ATP9B: variants seen among roughly 807,000 people sequenced by gnomAD.
The protein encoded by ATP9B is probable phospholipid-transporting ATPase IIB.
Under a neutral mutation model 146.1 loss-of-function variants are expected in ATP9B, and 110 were observed. The ratio of observed to expected loss-of-function variants is 0.75; its 90% CI spans 0.65 to 0.88. ATP9B has a LOEUF of 0.88. Ranked by LOEUF, ATP9B falls within the 40% of genes least tolerant of loss-of-function variation. The pLI is 0.00. For synonymous variants in ATP9B, 604 were observed against 569.7 expected (o/e 1.06, Z -0.86); for missense variants, 1,499 against 1,496.4 (o/e 1.00, Z -0.03).
Position 79,193,253 on chromosome 18 carries a change from C to A in ATP9B, c.944C>A (p.Thr315Lys), listed in dbSNP as rs1481818290. Reference protein sequence around the residue: ...PQMDIHSFEGTFTREDSDPPI... With the variant: ...PQMDIHSFEGKFTREDSDPPI... ...ATGGACATTCACAGTTTCGAAGGCA[C>A]ATTTACCAGGGTAAGTTAAACCTGT... is the stretch of plus-strand genomic sequence containing the variant. The change falls in exon 9 of 30, where the codon ACA becomes AAA. Residue 315 changes from threonine to lysine, a missense_variant. Coordinates refer to ENST00000426216, the MANE Select transcript of ATP9B (RefSeq NM_198531.5). 6.2e-7 allele frequency: 1 copy of A among 1,606,818 alleles called. No individual in the cohort carries two copies. The highest frequency in any genetic ancestry group is 2.2e-5 in the East Asian group (1 of 44,780).
chr18:79,155,039 GTTAC>G (rs1157613276), intron 7 of ATP9B, among the ~76,000 whole-genome samples: 1 of 152,180 alleles, frequency 6.6e-6, no homozygotes, highest in Non-Finnish European at 1.5e-5. Context: ...AAATGATGAT[GTTAC>G]TTAAAATTTG....
chr18:79,304,380 G>A (rs1480237746), intron 14 of ATP9B, among the ~76,000 whole-genome samples: 1 of 152,108 alleles, frequency 6.6e-6, no homozygotes, highest in Non-Finnish European at 1.5e-5. Flanking sequence ...AAATGCTTAG[G>A]ACCAGAAATA....
intron 1 of ATP9B, among the ~76,000 whole-genome samples, chr18:79,084,337 A>G (rs1430949530): frequency 6.6e-6 from 1 of 151,942 alleles, no homozygotes; most frequent in South Asian, 2.1e-4. Context: ...CCCAACCACC[A>G]TATCTATAGA....
chr18:79,100,513 G>T (rs1446051557), intron 2 of ATP9B, among the ~76,000 whole-genome samples: 1 of 152,058 alleles, frequency 6.6e-6, no homozygotes, highest in Non-Finnish European at 1.5e-5. Flanking sequence ...GTGAAGACTT[G>T]TCTAATTTCA....
intron 8 of ATP9B, among the ~76,000 whole-genome samples, chr18:79,192,186 A>G (rs1326324966): frequency 6.6e-6 from 1 of 151,910 alleles, no homozygotes; most frequent in Non-Finnish European, 1.5e-5. Context: ...TGCTGTGGTC[A>G]CCCTAATCTC....
chr18:79,138,792 CA>C (rs2094477599), intron 5 of ATP9B, among the ~76,000 whole-genome samples: 1 of 146,380 alleles, frequency 6.8e-6, no homozygotes, highest in African/African-American at 2.5e-5. Context: ...AAAAAAAAAC[CA>C]GTATTGGCCG....
Position 79,370,539 on chromosome 18 carries a change from G to C in ATP9B, c.3013-2286G>C, listed in dbSNP as rs142833273. 6.3e-3 allele frequency among the ~76,000 whole-genome samples: 961 copies of C among 152,288 alleles called. 9 individuals carry two copies. Among genetic ancestry groups the C allele is most frequent in the Non-Finnish European group, 0.01 (695 of 68,024 alleles). On this transcript the variant is annotated intron_variant, in intron 26 of 29. Coordinates refer to ENST00000426216, the MANE Select transcript of ATP9B (RefSeq NM_198531.5). Reference sequence around the variant, plus strand: ...CCCATAGTGAATGAATTGCTTCTATGAGTAACGTGTCTGTACCATCAAATA... The same window carrying C: ...CCCATAGTGAATGAATTGCTTCTATCAGTAACGTGTCTGTACCATCAAATA...
chr18:79,086,435 CAAAAAAAA>C (rs56268434), intron 1 of ATP9B: 4 of 63,482 alleles, frequency 6.3e-5, no homozygotes, highest in African/African-American at 2.7e-4. Flanking sequence ...GGCTCTATCT[CAAAAAAAA>C]AAAAAAAAAA....
At chr18:79,092,745 A>G (rs996377571) in intron 1 of ATP9B, among the ~76,000 whole-genome samples, 1 of 149,398 alleles carries the variant, frequency 6.7e-6, no homozygotes, top group African/African-American at 2.5e-5. Flanking sequence ...CCACCTCCGC[A>G]TTATGTCACT....
intron 2 of ATP9B, 145 bp downstream of exon 2, chr18:79,096,794 C>A: frequency 1.5e-6 from 1 of 687,466 alleles, no homozygotes; most frequent in Non-Finnish European, 2.3e-6. Flanking sequence ...GTACATTAAT[C>A]AAAGCCAAAC....
intron 1 of ATP9B, among the ~76,000 whole-genome samples, chr18:79,089,662 T>C (rs1490842457): frequency 6.6e-6 from 1 of 152,228 alleles, no homozygotes; most frequent in African/African-American, 2.4e-5. Flanking sequence ...TTTATAGACA[T>C]TTATGCGATA....
At chr18:79,245,925 G>A (rs1377437712) in intron 11 of ATP9B, among the ~76,000 whole-genome samples, 9 of 149,068 alleles carry the variant, frequency 6.0e-5, no homozygotes, top group African/African-American at 2.0e-4. Context: ...CTGACTGTGC[G>A]GAGGGCACCA....
At chr18:79,083,174 G>T (rs578965) in intron 1 of ATP9B, among the ~76,000 whole-genome samples, 58,932 of 152,054 alleles carry the variant, frequency 0.39, 11,861 homozygotes, top group East Asian at 0.52. Flanking sequence ...CTCTGCCTAG[G>T]TCAGACTTCC....
intron 13 of ATP9B, among the ~76,000 whole-genome samples, chr18:79,278,809 T>C (rs1329349040): frequency 6.6e-6 from 1 of 151,874 alleles, no homozygotes; most frequent in Non-Finnish European, 1.5e-5. Flanking sequence ...GATTTTCCCT[T>C]CCCAACCTCA....
intron 17 of ATP9B, among the ~76,000 whole-genome samples, chr18:79,333,840 C>G (rs1311433354): frequency 6.6e-6 from 1 of 152,222 alleles, no homozygotes; most frequent in Non-Finnish European, 1.5e-5. Context: ...GTGATTACCA[C>G]TGATTTCTCT....
At chr18:79,225,333 T>G (rs2148521124) in intron 11 of ATP9B, among the ~76,000 whole-genome samples, 1 of 152,364 alleles carries the variant, frequency 6.6e-6, no homozygotes, top group Admixed American at 6.5e-5. Flanking sequence ...TTCATTTCCT[T>G]TATGCAGTTA....
intron 12 of ATP9B, among the ~76,000 whole-genome samples, chr18:79,265,915 T>C (rs2096198649): frequency 6.6e-6 from 1 of 152,220 alleles, no homozygotes; most frequent in Non-Finnish European, 1.5e-5. Flanking sequence ...TGTTTTTGTA[T>C]ATGGTGTAAA....
At position 79,306,690 on chromosome 18, in the gene ATP9B, T is replaced by C. The variant is rs569831341; in HGVS notation, c.1525-296T>C. Among the ~76,000 whole-genome samples, 23 of 152,376 alleles carry C rather than the reference T, an allele frequency of 1.5e-4. No individual in the cohort carries two copies. In the East Asian group the frequency reaches 3.3e-3, roughly 22 times the overall value. On this transcript the variant is annotated intron_variant, in intron 14 of 29. Coordinates refer to ENST00000426216, the MANE Select transcript of ATP9B (RefSeq NM_198531.5). ...CATGAATAAATAGGAGTTAAGGACATAGCAAATTAGTGCCATTGTTGAAGT... is the reference window on the plus strand; with the variant it reads ...CATGAATAAATAGGAGTTAAGGACACAGCAAATTAGTGCCATTGTTGAAGT...
At chr18:79,235,947 T>C (rs1379252956) in intron 11 of ATP9B, among the ~76,000 whole-genome samples, 2 of 152,216 alleles carry the variant, frequency 1.3e-5, no homozygotes, top group Non-Finnish European at 2.9e-5. Context: ...GGAATTCCTC[T>C]GCTCTGAATG....
Sources: gnomAD v4.1 joint callset for allele counts (sites outside exome capture counted in the v4.1 genomes callset) on GRCh38, gnomAD v4.1.1 for gene constraint, MANE v1.5 for transcripts, NCBI Gene and HGNC (gene_info 2026-07-23, HGNC 2026-07-21) for gene names.